The following SYNPR variants were observed in gnomAD, a reference collection of about 807,000 sequenced individuals.
SYNPR encodes synaptoporin.
In SYNPR, 23 loss-of-function variants were observed where a neutral mutation model predicts 32.9. The ratio of observed to expected loss-of-function variants is 0.70; its 90% CI spans 0.50 to 0.99. The LOEUF (loss-of-function observed/expected upper bound fraction) is 0.99, where lower values mean the gene tolerates loss of function less well. Ranked by LOEUF, SYNPR falls within the 50% of genes least tolerant of loss-of-function variation. The probability of loss-of-function intolerance (pLI) is 0.00; values close to 1 mark genes in which losing one functional copy is unlikely to be tolerated. For synonymous variants in SYNPR, 146 were observed against 135.9 expected (o/e 1.07, Z -0.52); for missense variants, 318 against 349.3 (o/e 0.91, Z 0.71).
intron 2 of SYNPR, among the ~76,000 whole-genome samples, chr3:63,395,034 A>G (rs2088193746): frequency 6.6e-6 from 1 of 152,150 alleles, no homozygotes; most frequent in Non-Finnish European, 1.5e-5. Context: ...TAACTCACAC[A>G]GGGTAGATAT....
intron 3 of SYNPR, among the ~76,000 whole-genome samples, chr3:63,488,104 T>C (rs9868945): frequency 0.43 from 65,689 of 152,014 alleles, 14,246 homozygotes; most frequent in East Asian, 0.49. Context: ...CTAAGATGCG[T>C]AGCCAAGAGC....
chr3:63,394,521 G>A (rs1295764699), intron 2 of SYNPR, among the ~76,000 whole-genome samples: 1 of 152,074 alleles, frequency 6.6e-6, no homozygotes, highest in Non-Finnish European at 1.5e-5. Flanking sequence ...TAAGAATCTG[G>A]CAATTGCATC....
At chr3:63,414,352 T>G (rs1446641850) in intron 2 of SYNPR, among the ~76,000 whole-genome samples, 4 of 152,164 alleles carry the variant, frequency 2.6e-5, no homozygotes, top group Non-Finnish European at 5.9e-5. Context: ...TTCTTACTTT[T>G]TGGAGTTTTA....
intron 3 of SYNPR, among the ~76,000 whole-genome samples, chr3:63,552,527 A>C (rs1702520855): frequency 1.3e-5 from 2 of 152,192 alleles, no homozygotes; most frequent in Non-Finnish European, 2.9e-5. Context: ...TATACAAGCA[A>C]AAACAAATGG....
At chr3:63,394,103 G>A (rs572526614) in intron 2 of SYNPR, among the ~76,000 whole-genome samples, 9 of 152,134 alleles carry the variant, frequency 5.9e-5, no homozygotes, top group Non-Finnish European at 1.3e-4. Flanking sequence ...CTACCAGGTG[G>A]TAGCACTAAT....
At chr3:63,612,450 A>G (rs887909572) in intron 5 of SYNPR, among the ~76,000 whole-genome samples, 1 of 152,212 alleles carries the variant, frequency 6.6e-6, no homozygotes, top group African/African-American at 2.4e-5. Context: ...TTCACTCCAG[A>G]CAAATCTTAG....
chr3:63,375,041 A>G (rs1445057827), intron 2 of SYNPR, among the ~76,000 whole-genome samples: 1 of 152,224 alleles, frequency 6.6e-6, no homozygotes, highest in Non-Finnish European at 1.5e-5. Flanking sequence ...CACACCAGTT[A>G]GAATAGCGAT....
chr3:63,404,463 A>G lies in SYNPR; in HGVS notation c.85-76369A>G, dbSNP rs114498499. ...GACAAGATCCCTTATTTAAAAGAAAATCAATTATCAATTATCTTAAAGCTT... is the reference window on the plus strand; with the variant it reads ...GACAAGATCCCTTATTTAAAAGAAAGTCAATTATCAATTATCTTAAAGCTT... On this transcript the variant is annotated intron_variant, in intron 2 of 5. Coordinates refer to ENST00000478300, the MANE Select transcript of SYNPR (RefSeq NM_001130003.2). 7.2e-3 allele frequency among the ~76,000 whole-genome samples: 1,090 copies of G among 152,298 alleles called. 16 individuals carry two copies. The highest frequency in any genetic ancestry group is 0.025 in the African/African-American group (1,053 of 41,564).
intron 2 of SYNPR, among the ~76,000 whole-genome samples, chr3:63,337,809 G>A (rs1184180386): frequency 6.6e-6 from 1 of 152,132 alleles, no homozygotes; most frequent in Non-Finnish European, 1.5e-5. Context: ...TCTGGAAAAG[G>A]CAAAACTATA....
intron 4 of SYNPR, among the ~76,000 whole-genome samples, chr3:63,580,838 G>A (rs923054725): frequency 2.0e-5 from 3 of 152,062 alleles, no homozygotes; most frequent in East Asian, 3.9e-4. Flanking sequence ...TAACGTTAAC[G>A]GTTTACATAT....
chr3:63,273,027 T>C (rs1334740561), intron 3 of SYNPR, among the ~76,000 whole-genome samples: 1 of 152,112 alleles, frequency 6.6e-6, no homozygotes, highest in Non-Finnish European at 1.5e-5. Context: ...CAGCTAATGA[T>C]GAAAGATAAA....
chr3:63,606,965 T>A (rs1700132361), intron 4 of SYNPR, among the ~76,000 whole-genome samples: 1 of 152,204 alleles, frequency 6.6e-6, no homozygotes, highest in African/African-American at 2.4e-5. Flanking sequence ...TGACACATCA[T>A]AAGCACTCAA....
the SYNPR span, among the ~76,000 whole-genome samples, chr3:63,218,744 G>A: frequency 4.2e-4 from 64 of 152,236 alleles, no homozygotes; most frequent in African/African-American, 1.5e-3. Flanking sequence ...CAAAGGGCCA[G>A]AGAGAATGCC....
intron 2 of SYNPR, among the ~76,000 whole-genome samples, chr3:63,380,658 A>G (rs911533304): frequency 7.9e-5 from 12 of 152,146 alleles, no homozygotes; most frequent in Non-Finnish European, 1.6e-4. Flanking sequence ...TCTCAATAAA[A>G]TACTGGCAAA....
At chr3:63,384,362 C>T (rs1394389601) in intron 2 of SYNPR, among the ~76,000 whole-genome samples, 2 of 152,062 alleles carry the variant, frequency 1.3e-5, no homozygotes, top group African/African-American at 2.4e-5. Flanking sequence ...CATTTTTTAC[C>T]TCTACACAGA....
At chr3:63,513,998 C>G (rs970895895) in intron 3 of SYNPR, among the ~76,000 whole-genome samples, 1 of 152,102 alleles carries the variant, frequency 6.6e-6, no homozygotes, top group African/African-American at 2.4e-5. Flanking sequence ...GATCTTCTTC[C>G]CATGCTCACC....
intron 4 of SYNPR, among the ~76,000 whole-genome samples, chr3:63,588,220 T>A (rs935766631): frequency 6.6e-6 from 1 of 152,094 alleles, no homozygotes; most frequent in East Asian, 1.9e-4. Flanking sequence ...AGATGGTTTG[T>A]ATAGATACAA....
chr3:63,311,281 G>A lies in SYNPR; in HGVS notation c.84+32539G>A, dbSNP rs188790806. Among the ~76,000 whole-genome samples the A allele has an allele frequency of 3.6e-3, 547 of 152,096 alleles. 1 individual carries two copies. The highest frequency in any genetic ancestry group is 5.3e-3 in the Non-Finnish European group (361 of 67,944). On this transcript the variant is annotated intron_variant, in intron 2 of 5. Coordinates refer to ENST00000478300, the MANE Select transcript of SYNPR (RefSeq NM_001130003.2). ...CTGACAACCACTGGCTGATAATGGG[G>A]GTAACGGTGGTAAGGGAATAACCAG...
intron 4 of SYNPR, among the ~76,000 whole-genome samples, chr3:63,567,572 T>G (rs1210266714): frequency 6.6e-6 from 1 of 152,212 alleles, no homozygotes; most frequent in Non-Finnish European, 1.5e-5. Flanking sequence ...AAGAATGTCT[T>G]GCTCTAATAC....
Sources: allele counts gnomAD v4.1 joint callset (sites outside exome capture counted in the v4.1 genomes callset), GRCh38; gene constraint gnomAD v4.1.1; transcripts MANE v1.5; gene names NCBI Gene and HGNC (gene_info 2026-07-23, HGNC 2026-07-21).